Variants in EYA2 observed in about 807,000 individuals in gnomAD.
EYA2 encodes the protein protein phosphatase EYA2.
EYA2 carries 31 observed loss-of-function variants against 69.2 expected under a neutral mutation model. The ratio of observed to expected loss-of-function variants is 0.45; its 90% CI spans 0.34 to 0.60. The LOEUF is 0.60. Among genes scored for constraint, EYA2 ranks in the 20% least tolerant of loss-of-function variants. The probability of loss-of-function intolerance (pLI) is 0.02; values close to 1 mark genes in which losing one functional copy is unlikely to be tolerated. For missense variants in EYA2, 622 were observed against 701.2 expected (o/e 0.89, Z 1.28); for synonymous variants, 257 against 279.4 (o/e 0.92, Z 0.80).
chr20:47,052,444 C>T (rs1010096379), intron 5 of EYA2, among the ~76,000 whole-genome samples: 5 of 152,184 alleles, frequency 3.3e-5, no homozygotes, highest in Admixed American at 2.6e-4. Context: ...CATCCAGAAC[C>T]TTCAGAGTCT....
chr20:47,084,193 C>T (rs1037878299), intron 7 of EYA2, among the ~76,000 whole-genome samples: 5 of 152,012 alleles, frequency 3.3e-5, no homozygotes, highest in African/African-American at 1.2e-4. Context: ...TTGCAGGGAG[C>T]CAGAATTGCG....
chr20:46,950,979 C>T (rs1978761776), intron 1 of EYA2, among the ~76,000 whole-genome samples: 1 of 152,208 alleles, frequency 6.6e-6, no homozygotes, highest in South Asian at 2.1e-4. Context: ...ACACGTGCCG[C>T]TGAGTAATCC....
chr20:47,041,542 C>T (rs990113082), intron 5 of EYA2, among the ~76,000 whole-genome samples: 2 of 152,358 alleles, frequency 1.3e-5, no homozygotes, highest in South Asian at 2.1e-4. Context: ...CAACTGCCAA[C>T]GGTCTGTTCT....
rs1442193314 is a variant in EYA2, at chr20:47,172,865, G to A, written c.1196G>A (p.Gly399Asp). Residue 399 changes from glycine to aspartate, a missense_variant and splice_region_variant, in exon 12 of 16, where the codon GGT becomes GAT. Physicochemically the swap from Gly to Asp is moderately conservative, Grantham distance 94. Coordinates refer to ENST00000327619, the MANE Select transcript of EYA2 (RefSeq NM_005244.5). ...EMYNTYKNNV[G>D]GLIGTPKRET... ...TACAATACCTACAAGAACAACGTTG[G>A]TGGTGAGTACTGTGAGCCTTGGGCC... The A allele has an allele frequency of 3.7e-6, 6 of 1,610,848 alleles. No homozygotes were observed. Among genetic ancestry groups the A allele is most frequent in the Non-Finnish European group, 5.1e-6 (6 of 1,178,322 alleles).
intron 10 of EYA2, among the ~76,000 whole-genome samples, chr20:47,163,031 T>TCA (rs1372665570): frequency 3.0e-5 from 4 of 133,280 alleles, no homozygotes; most frequent in African/African-American, 9.1e-5. Context: ...ACTGGGTGTA[T>TCA]CACTCTTTTT....
chr20:46,912,946 C>T (rs536908496), intron 1 of EYA2, among the ~76,000 whole-genome samples: 12 of 151,504 alleles, frequency 7.9e-5, no homozygotes, highest in Admixed American at 2.6e-4. Context: ...ATGATCCACC[C>T]GCCTCGGCCT....
At chr20:47,022,165 G>A (rs1441141331) in intron 5 of EYA2, among the ~76,000 whole-genome samples, 1 of 152,216 alleles carries the variant, frequency 6.6e-6, no homozygotes, top group Non-Finnish European at 1.5e-5. Flanking sequence ...AGGCAGATGG[G>A]ATGAGGGCCC....
At chr20:47,059,352 TTTG>T (rs1238199900) in intron 5 of EYA2, among the ~76,000 whole-genome samples, 1 of 152,098 alleles carries the variant, frequency 6.6e-6, no homozygotes, top group Non-Finnish European at 1.5e-5. Context: ...TTCTGTTTAT[TTTG>T]TTGTTTGTTT....
chr20:47,057,798 C>G (rs1029086837), intron 5 of EYA2, among the ~76,000 whole-genome samples: 1 of 146,912 alleles, frequency 6.8e-6, no homozygotes, highest in Non-Finnish European at 1.5e-5. Context: ...GTAGGTTGGC[C>G]CAAAAGAACT....
rs561485319 is a variant in EYA2 at position 46,910,339 on chromosome 20, C to G, written c.-11+15352C>G. 3.3e-5 allele frequency among the ~76,000 whole-genome samples: 5 copies of G among 152,296 alleles called. No homozygotes were observed. The East Asian group carries it at 5.8e-4, about 18-fold the overall frequency. ...TGTAAACAACCAGGTCTTATGAGAA[C>G]TCTGTCACAAGAACAGCACCAAAGG... On this transcript the variant is annotated intron_variant, in intron 1 of 15. Transcript: ENST00000327619.
At chr20:47,126,890 G>A (rs947767556) in intron 9 of EYA2, among the ~76,000 whole-genome samples, 5 of 152,150 alleles carry the variant, frequency 3.3e-5, no homozygotes, top group African/African-American at 7.2e-5. Context: ...GAACTACAAC[G>A]TGGAATTATC....
At chr20:47,018,849 T>C (rs976127166) in intron 5 of EYA2, among the ~76,000 whole-genome samples, 1 of 152,172 alleles carries the variant, frequency 6.6e-6, no homozygotes, top group Non-Finnish European at 1.5e-5. Context: ...TGTTCAGAGC[T>C]GGGATTCAGA....
intron 7 of EYA2, among the ~76,000 whole-genome samples, chr20:47,079,864 A>G (rs1303222015): frequency 6.6e-6 from 1 of 152,202 alleles, no homozygotes; most frequent in Non-Finnish European, 1.5e-5. Flanking sequence ...GTTTAAGTGT[A>G]GCTTAATACC....
intron 9 of EYA2, among the ~76,000 whole-genome samples, chr20:47,110,122 G>A (rs1162854652): frequency 6.6e-6 from 1 of 152,198 alleles, no homozygotes; most frequent in Non-Finnish European, 1.5e-5. Context: ...ATAAGGCCCA[G>A]CTGCTCCCTT....
At chr20:47,027,423 A>C (rs755700600) in intron 5 of EYA2, among the ~76,000 whole-genome samples, 3 of 152,136 alleles carry the variant, frequency 2.0e-5, no homozygotes, top group Non-Finnish European at 4.4e-5. Flanking sequence ...TTCCCCATGC[A>C]TGTCAGCATT....
chr20:47,006,511 G>A (rs186185143), intron 4 of EYA2, among the ~76,000 whole-genome samples: 6 of 152,312 alleles, frequency 3.9e-5, no homozygotes, highest in East Asian at 3.9e-4. Flanking sequence ...TAATATGCTC[G>A]TTTCATCTTC....
At chr20:47,119,858 G>A (rs1293042828) in intron 9 of EYA2, among the ~76,000 whole-genome samples, 1 of 152,172 alleles carries the variant, frequency 6.6e-6, no homozygotes, top group East Asian at 1.9e-4. Flanking sequence ...CTTGAGCTTA[G>A]GAGTTTGAGA....
At chr20:47,160,709 C>G (rs1360007754) in intron 10 of EYA2, 2 of 153,158 alleles carry the variant, frequency 1.3e-5, no homozygotes, top group East Asian at 3.8e-4. Flanking sequence ...TATTTCATGC[C>G]TCTTTGCCTT....
At chr20:47,039,207 G>A (rs917611846) in intron 5 of EYA2, among the ~76,000 whole-genome samples, 9 of 152,034 alleles carry the variant, frequency 5.9e-5, no homozygotes, top group African/African-American at 1.9e-4. Flanking sequence ...AAACCCTCAG[G>A]CCAAATCTGC....
Sources: allele counts gnomAD v4.1 joint callset (sites outside exome capture counted in the v4.1 genomes callset), GRCh38; gene constraint gnomAD v4.1.1; transcripts MANE v1.5; gene names NCBI Gene and HGNC (gene_info 2026-07-23, HGNC 2026-07-21).